The following CORO2B variants were observed in gnomAD, a reference collection of about 807,000 sequenced individuals.
CORO2B encodes the protein coronin-2B.
CORO2B carries 26 observed loss-of-function variants against 58.8 expected under a neutral mutation model. That is an observed-to-expected ratio of 0.44 (90% CI 0.32 to 0.61). The LOEUF is 0.61. CORO2B is among the 20% of genes least tolerant of loss of function. The probability of loss-of-function intolerance (pLI) is 0.04; values close to 1 mark genes in which losing one functional copy is unlikely to be tolerated. For synonymous variants in CORO2B, 242 were observed against 253.8 expected, an observed-to-expected ratio of 0.95 and a Z score of 0.44; for missense variants, 460 against 645.1, an observed-to-expected ratio of 0.71 and a Z score of 3.11.
intron 11 of CORO2B, among the ~76,000 whole-genome samples, chr15:68,723,173 G>T (rs1389082172): frequency 1.1e-4 from 16 of 139,538 alleles, no homozygotes; most frequent in Non-Finnish European, 1.8e-4. Flanking sequence ...CCAGGCTGGG[G>T]TACAATGGCA....
At chr15:68,615,609 C>T (rs1276411809) in intron 1 of CORO2B, among the ~76,000 whole-genome samples, 1 of 152,172 alleles carries the variant, frequency 6.6e-6, no homozygotes, top group East Asian at 1.9e-4. Flanking sequence ...ATTAACCAGT[C>T]ACCTTTATGA....
chr15:68,578,541 C>T (rs149369549), upstream of CORO2B, among the ~76,000 whole-genome samples: 1 of 152,188 alleles, frequency 6.6e-6, no homozygotes, highest in Non-Finnish European at 1.5e-5. This position sits in a 1 kb window ranked among gnomAD's most constrained non-coding sequence, Gnocchi z 4.2. Context: ...CCCGGGCTTG[C>T]GGCTGCCACG....
rs1236149596 is a variant in CORO2B, at chr15:68,710,655, C to T, written c.334-77C>T. The T allele has an allele frequency of 3.6e-6, 5 of 1,397,376 alleles. No individual in the cohort carries two copies. The African/African-American group carries it at 5.8e-5, about 16-fold the overall frequency. 86.6% of individuals were successfully genotyped at this position (1,397,376 alleles called of 1,614,324 possible). A position where few individuals can be genotyped will look rare whatever the true frequency, so the allele number is the denominator to read the frequency against. ...AGGCAGATCTCAGAAAGCCTGGTGT[C>T]CGAGGAAAGGGGCACCTCTCATCAA... is the stretch of plus-strand genomic sequence containing the variant. On this transcript the variant is annotated intron_variant, in intron 3 of 11. Transcript: ENST00000261861. This position sits in a 1 kb window ranked among gnomAD's most constrained non-coding sequence, Gnocchi z 4.1.
At chr15:68,544,121 A>G in the CORO2B span, among the ~76,000 whole-genome samples, 1 of 152,204 alleles carries the variant, frequency 6.6e-6, no homozygotes, top group East Asian at 1.9e-4. Context: ...ACAACCATGC[A>G]GTGCAGTGAT....
the CORO2B span, among the ~76,000 whole-genome samples, chr15:68,522,828 T>C: frequency 6.6e-6 from 1 of 152,224 alleles, no homozygotes; most frequent in Non-Finnish European, 1.5e-5. Flanking sequence ...CACATATGGG[T>C]TTATTTTTCC....
At chr15:68,616,612 G>A in intron 1 of CORO2B, 1 of 985,482 alleles carries the variant, frequency 1.0e-6, no homozygotes, top group African/African-American at 1.7e-5. Flanking sequence ...ATTCTGACAA[G>A]CGGTGAGTAC....
intron 1 of CORO2B, among the ~76,000 whole-genome samples, chr15:68,617,250 G>A (rs1363154742): frequency 6.6e-6 from 1 of 152,252 alleles, no homozygotes. Context: ...CAGAGGCAAT[G>A]AGGAGGAGAC....
chr15:68,707,429 G>A (rs995730060), intron 3 of CORO2B, among the ~76,000 whole-genome samples: 3 of 152,116 alleles, frequency 2.0e-5, no homozygotes, highest in Non-Finnish European at 4.4e-5. Flanking sequence ...CTTGGATTAC[G>A]AGCATGTTTG....
chr15:68,576,738 C>T (rs553270429), upstream of CORO2B, among the ~76,000 whole-genome samples: 1 of 152,158 alleles, frequency 6.6e-6, no homozygotes, highest in Non-Finnish European at 1.5e-5. Context: ...CAATGCTGGA[C>T]AGCTCGCTGG....
At chr15:68,696,307 G>A (rs1892509145) in intron 3 of CORO2B, among the ~76,000 whole-genome samples, 1 of 151,714 alleles carries the variant, frequency 6.6e-6, no homozygotes, top group African/African-American at 2.4e-5. Flanking sequence ...CCAGCACTTC[G>A]GGAGGCTGAG....
At chr15:68,552,712 C>T in the CORO2B span, among the ~76,000 whole-genome samples, 61 of 152,298 alleles carry the variant, frequency 4.0e-4, no homozygotes, top group Middle Eastern at 3.4e-3. Flanking sequence ...CATCACTCCT[C>T]ATCATAGAAT....
Position 68,691,641 on chromosome 15 carries a change from A to AAAAAAG in CORO2B, c.217-3494_217-3489dup, listed in dbSNP as rs1567010538. ...CTCCGTCTCAAAAAAAAAAAAAAAAAAAAAAGAAAAGAAAAGTGGTTTTCA... is the reference window on the plus strand; with the variant it reads ...CTCCGTCTCAAAAAAAAAAAAAAAAAAAAAAGAAAAAGAAAAGAAAAGTGGTTTTCA... On this transcript the variant is annotated intron_variant, in intron 2 of 11. Transcript: ENST00000261861. 1.4e-4 allele frequency among the ~76,000 whole-genome samples: 21 copies of AAAAAAG among 149,420 alleles called. 1 individual carries two copies. The highest frequency in any genetic ancestry group is 6.9e-3 in the Middle Eastern group (2 of 290).
the CORO2B span, among the ~76,000 whole-genome samples, chr15:68,553,023 A>C: frequency 1.1e-4 from 17 of 152,354 alleles, no homozygotes; most frequent in South Asian, 3.5e-3. Flanking sequence ...GCACCACGCC[A>C]GGCCCCGGAA....
In CORO2B at chr15:68,710,655, C is replaced by G; in HGVS notation, c.334-77C>G. On this transcript the variant is annotated intron_variant, in intron 3 of 11. Coordinates refer to ENST00000261861, the MANE Select transcript of CORO2B (RefSeq NM_006091.5). The surrounding 1 kb of genome is among the most constrained non-coding windows in gnomAD (Gnocchi z 4.1). ...AGGCAGATCTCAGAAAGCCTGGTGT[C>G]CGAGGAAAGGGGCACCTCTCATCAA... is the stretch of plus-strand genomic sequence containing the variant. 1.4e-6 allele frequency: 2 copies of G among 1,397,494 alleles called. No homozygotes were observed. The highest frequency in any genetic ancestry group is 1.9e-6 in the Non-Finnish European group (2 of 1,065,376). The allele number at this position is 1,397,494 out of a possible 1,614,324, so 86.6% of individuals were successfully genotyped here.
At chr15:68,551,143 C>A in the CORO2B span, among the ~76,000 whole-genome samples, 2 of 152,112 alleles carry the variant, frequency 1.3e-5, no homozygotes, top group Non-Finnish European at 2.9e-5. Flanking sequence ...CCTTTCCCAG[C>A]ACTCGCTTTC....
chr15:68,577,489 C>T (rs1386718455), upstream of CORO2B, among the ~76,000 whole-genome samples: 3 of 151,890 alleles, frequency 2.0e-5, no homozygotes, highest in Non-Finnish European at 4.4e-5. Context: ...TTTGGGAGGC[C>T]GAGGCGGGTG....
At chr15:68,563,981 A>G in the CORO2B span, among the ~76,000 whole-genome samples, 1 of 152,236 alleles carries the variant, frequency 6.6e-6, no homozygotes, top group African/African-American at 2.4e-5. Context: ...CCAAAAAAAT[A>G]GAAGATGAGG....
At chr15:68,711,971 G>C (rs1892930254) in intron 5 of CORO2B, among the ~76,000 whole-genome samples, 1 of 152,082 alleles carries the variant, frequency 6.6e-6, no homozygotes, top group African/African-American at 2.4e-5. Context: ...TTGCTCTGGG[G>C]GCTGAACTGG....
intron 1 of CORO2B, among the ~76,000 whole-genome samples, chr15:68,579,506 C>T (rs1899370051): frequency 6.6e-6 from 1 of 152,038 alleles, no homozygotes; most frequent in Non-Finnish European, 1.5e-5. Flanking sequence ...GGCCAACATC[C>T]CTCCGCGCCC....
Sources: allele counts gnomAD v4.1 joint callset (sites outside exome capture counted in the v4.1 genomes callset), GRCh38; gene constraint gnomAD v4.1.1; non-coding constraint Gnocchi (gnomAD v3.1); transcripts MANE v1.5; gene names NCBI Gene and HGNC (gene_info 2026-07-23, HGNC 2026-07-21).